The following ZNF532 variants were observed in gnomAD, a reference collection of about 807,000 sequenced individuals.
ZNF532 encodes the protein zinc finger protein 532.
Under a neutral mutation model 89.3 loss-of-function variants are expected in ZNF532, and 22 were observed. The ratio of observed to expected loss-of-function variants is 0.25; its 90% CI spans 0.18 to 0.35. The LOEUF (loss-of-function observed/expected upper bound fraction) is 0.35. ZNF532 is among the 10% of genes least tolerant of loss of function. The probability of loss-of-function intolerance (pLI) is 1.00; values close to 1 mark genes in which losing one functional copy is unlikely to be tolerated. For synonymous variants in ZNF532, 606 were observed against 649.6 expected (o/e 0.93, Z 1.02); for missense variants, 1,132 against 1,643.4 (o/e 0.69, Z 5.38).
At chr18:58,960,490 C>T (rs191676169) in intron 7 of ZNF532, among the ~76,000 whole-genome samples, 2 of 152,278 alleles carry the variant, frequency 1.3e-5, no homozygotes, top group Non-Finnish European at 1.5e-5. Flanking sequence ...TCTATCTGAC[C>T]TTACTTGAGC....
In ZNF532 at chr18:58,941,994, T is replaced by TCCTTC. The variant is rs1489411297; in HGVS notation, c.2705+2375_2705+2379dup. 1.1e-3 allele frequency among the ~76,000 whole-genome samples: 121 copies of TCCTTC among 105,796 alleles called. 1 individual carries two copies. The highest frequency in any genetic ancestry group is 2.3e-3 in the Non-Finnish European group (111 of 48,022). The allele number at this position is 105,796 out of a possible 152,430, so 69.4% of individuals were successfully genotyped here. ...TCCCTCCCTCCTTCCCTCCTTCCCT[T>TCCTTC]CCTTCCTTCCTTCTTTCTTTTCTTT... is the stretch of plus-strand genomic sequence containing the variant. On this transcript the variant is annotated intron_variant, in intron 5 of 9. Transcript: ENST00000591808.
At chr18:58,875,795 T>C (rs1180069130) in intron 2 of ZNF532, among the ~76,000 whole-genome samples, 1 of 152,162 alleles carries the variant, frequency 6.6e-6, no homozygotes, top group Admixed American at 6.5e-5. Flanking sequence ...TGAAATTCTT[T>C]TCTGTTTCTA....
At chr18:58,872,170 A>C (rs2057038780) in intron 2 of ZNF532, among the ~76,000 whole-genome samples, 1 of 152,214 alleles carries the variant, frequency 6.6e-6, no homozygotes, top group Non-Finnish European at 1.5e-5. Flanking sequence ...TCACTCTTTA[A>C]GGATGGTCTT....
Position 58,953,710 on chromosome 18 carries a change from G to A in ZNF532, c.3061G>A (p.Ala1021Thr). ...VKKSMETKKV[A>T]SPGWTCWECD... The stretch of plus-strand genomic sequence containing the variant: ...AAAATCAATGGAAACCAAGAAAGTG[G>A]CCAGTCCTGGGTGGACGTGTTGGGA... Residue 1021 changes from alanine (A) to threonine (T), a missense_variant, in exon 7 of 10, where the codon GCC becomes ACC. Ala to Thr is a moderately conservative substitution (Grantham distance 58). Around this residue, in one of 9 missense-constraint regions of ZNF532, gnomAD observed 415 missense variants for 604.8 expected, o/e 0.69. Transcript: ENST00000591808. 1 of 1,614,060 alleles carries A rather than the reference G, an allele frequency of 6.2e-7. No individual in the cohort carries two copies. Among genetic ancestry groups the A allele is most frequent in the Non-Finnish European group, 8.5e-7 (1 of 1,179,944 alleles).
intron 2 of ZNF532, among the ~76,000 whole-genome samples, chr18:58,909,300 C>T (rs1249505944): frequency 6.6e-6 from 1 of 152,062 alleles, no homozygotes; most frequent in African/African-American, 2.4e-5. Flanking sequence ...AGGTCATTGA[C>T]AAAACATAGG....
At chr18:58,951,798 T>C (rs1038664661) in intron 6 of ZNF532, among the ~76,000 whole-genome samples, 2 of 152,008 alleles carry the variant, frequency 1.3e-5, no homozygotes, top group Non-Finnish European at 2.9e-5. Flanking sequence ...TACAGGCACC[T>C]GCCACCATGC....
chr18:58,904,615 C>G lies in ZNF532; in HGVS notation c.-17-13656C>G, dbSNP rs559782520. ...TCCTTGTGATCCCTATAACCAAATT[C>G]TTAGGAGGGACCTATTGTTTTTTAA... On this transcript the variant is annotated intron_variant, in intron 2 of 9. Transcript: ENST00000591808. Among the ~76,000 whole-genome samples, 4 of 152,170 alleles carry G rather than the reference C, an allele frequency of 2.6e-5. No homozygotes were observed. The South Asian group carries it at 8.3e-4, about 32-fold the overall frequency.
rs72959135 is a variant in ZNF532 at position 58,901,360 on chromosome 18, C to T, written c.-17-16911C>T. Among the ~76,000 whole-genome samples the T allele has an allele frequency of 9.7e-3, 1,473 of 152,340 alleles. 8 individuals carry two copies. The highest frequency in any genetic ancestry group is 0.015 in the Non-Finnish European group (1,022 of 68,034). On this transcript the variant is annotated intron_variant, in intron 2 of 9. Transcript: ENST00000591808. Reference sequence around the variant, plus strand: ...GCCTCAGCCTTCCAAAGTGGGATTACAGGCGTGAGCCACTGCGCTCGGCCT... The same window carrying T: ...GCCTCAGCCTTCCAAAGTGGGATTATAGGCGTGAGCCACTGCGCTCGGCCT...
At chr18:58,944,028 C>G (rs1415767944) in intron 5 of ZNF532, among the ~76,000 whole-genome samples, 1 of 152,132 alleles carries the variant, frequency 6.6e-6, no homozygotes, top group Non-Finnish European at 1.5e-5. Flanking sequence ...GCCCTAGAAT[C>G]TGTTTAACAC....
chr18:58,949,109 G>C (rs182246572), intron 6 of ZNF532, among the ~76,000 whole-genome samples: 1 of 151,894 alleles, frequency 6.6e-6, no homozygotes, highest in African/African-American at 2.4e-5. Context: ...CTGGCACCTG[G>C]TGGTGTTCAG....
chr18:58,885,146 G>T (rs2058207121), intron 2 of ZNF532, among the ~76,000 whole-genome samples: 1 of 151,948 alleles, frequency 6.6e-6, no homozygotes, highest in Admixed American at 6.6e-5. Context: ...GTGCCACCAC[G>T]CCTGGCTAAT....
chr18:58,956,298 T>A (rs1603290779), intron 7 of ZNF532, among the ~76,000 whole-genome samples: 1 of 152,214 alleles, frequency 6.6e-6, no homozygotes, highest in African/African-American at 2.4e-5. Context: ...TAGGATTGGC[T>A]TTGAAGGAGT....
At chr18:58,892,697 T>C (rs2058981759) in intron 2 of ZNF532, among the ~76,000 whole-genome samples, 1 of 152,242 alleles carries the variant, frequency 6.6e-6, no homozygotes, top group Non-Finnish European at 1.5e-5. Context: ...GTTTGAGCAA[T>C]TGTGATGCAG....
At chr18:58,864,418 C>G (rs1404544342), upstream of ZNF532, 2 of 152,144 alleles carry the variant, frequency 1.3e-5, no homozygotes, top group African/African-American at 2.4e-5. Context: ...CGACGCATCC[C>G]GTGTGAGCAG....
chr18:58,953,343 C>T, intron 6 of ZNF532, 175 bp from the exon 7 acceptor site: 1 of 592,804 alleles, frequency 1.7e-6, no homozygotes. Context: ...GTATAGCAGA[C>T]TTTTATCTCT....
At chr18:58,943,307 C>T (rs2063370347) in intron 5 of ZNF532, among the ~76,000 whole-genome samples, 1 of 150,504 alleles carries the variant, frequency 6.6e-6, no homozygotes, top group Non-Finnish European at 1.5e-5. Context: ...CTACAGGCGC[C>T]CACCATCACG....
intron 7 of ZNF532, among the ~76,000 whole-genome samples, chr18:58,969,177 C>T (rs974577810): frequency 2.0e-5 from 3 of 152,258 alleles, no homozygotes; most frequent in East Asian, 1.9e-4. Flanking sequence ...GCCTGAGCCT[C>T]GGGGTGTGAG....
intron 5 of ZNF532, among the ~76,000 whole-genome samples, chr18:58,941,971 C>A (rs187146104): frequency 3.2e-4 from 42 of 130,112 alleles, no homozygotes; most frequent in African/African-American, 1.1e-3. Context: ...TCTCTCCCTC[C>A]CTCCCTCCTT....
chr18:58,873,618 A>G (rs1036132228), intron 2 of ZNF532, among the ~76,000 whole-genome samples: 2 of 151,836 alleles, frequency 1.3e-5, no homozygotes, highest in African/African-American at 2.4e-5. Flanking sequence ...CTGGCTCATT[A>G]ATTTTTTGTA....
Sources: gnomAD v4.1 joint callset for allele counts (sites outside exome capture counted in the v4.1 genomes callset) on GRCh38, gnomAD v4.1.1 for gene constraint, gnomAD v4.1.1 regional missense constraint, MANE v1.5 for transcripts, NCBI Gene and HGNC (gene_info 2026-07-23, HGNC 2026-07-21) for gene names.